Variants in KIAA1217 observed in about 807,000 individuals in gnomAD.
The protein encoded by KIAA1217 is KIAA1217, also known as sickle tail protein homolog.
In KIAA1217, 88 loss-of-function variants were observed where a neutral mutation model predicts 163.9. That is an observed-to-expected ratio of 0.54 (90% CI 0.45 to 0.64). KIAA1217 has a LOEUF of 0.64. Ranked by LOEUF, KIAA1217 falls within the 30% of genes least tolerant of loss-of-function variation. The pLI is 0.00. For synonymous variants in KIAA1217, 903 were observed against 923.1 expected, an observed-to-expected ratio of 0.98 and a Z score of 0.39; for missense variants, 2,372 against 2,475.0, an observed-to-expected ratio of 0.96 and a Z score of 0.88.
chr10:24,501,557 G>A lies in KIAA1217; in HGVS notation c.2001+12G>A. ...TGCGGCAGCTCCAGGTATTCCTCAT[G>A]CACGGCGGCCTCTGTCTCGGTTGCC... On this transcript the variant is annotated intron_variant, in intron 9 of 20. Transcript: ENST00000376454. 6.2e-7 allele frequency: 1 copy of A among 1,608,846 alleles called. No homozygotes were observed. Among genetic ancestry groups the A allele is most frequent in the Non-Finnish European group, 8.5e-7 (1 of 1,177,764 alleles).
At chr10:23,856,885 G>A (rs1383934211) in intron 1 of KIAA1217, among the ~76,000 whole-genome samples, 1 of 152,224 alleles carries the variant, frequency 6.6e-6, no homozygotes, top group African/African-American at 2.4e-5. Flanking sequence ...TAGGGTGGGA[G>A]TGACCCGATT....
chr10:24,277,180 T>A (rs1009322401), intron 2 of KIAA1217, among the ~76,000 whole-genome samples: 1 of 152,268 alleles, frequency 6.6e-6, no homozygotes, highest in African/African-American at 2.4e-5. Flanking sequence ...TCTGGCCTGA[T>A]TGGAAGGTGG....
chr10:23,738,375 C>A (rs576720735), intron 1 of KIAA1217, among the ~76,000 whole-genome samples: 8 of 152,168 alleles, frequency 5.3e-5, no homozygotes, highest in East Asian at 1.9e-4. Context: ...AGTTTTCTTT[C>A]GAAGGTTTGG....
chr10:23,964,625 G>A (rs549895999), intron 1 of KIAA1217, among the ~76,000 whole-genome samples: 4 of 151,722 alleles, frequency 2.6e-5, no homozygotes, highest in South Asian at 4.2e-4. Flanking sequence ...GCACCATCTC[G>A]GCTCACTGCA....
chr10:24,248,167 T>C (rs2074040432), intron 2 of KIAA1217, among the ~76,000 whole-genome samples: 1 of 152,170 alleles, frequency 6.6e-6, no homozygotes, highest in African/African-American at 2.4e-5. Context: ...GCATTAGTAG[T>C]CTCATTTCCA....
intron 2 of KIAA1217, among the ~76,000 whole-genome samples, chr10:24,222,319 A>G (rs1320136768): frequency 6.6e-6 from 1 of 152,178 alleles, no homozygotes; most frequent in Non-Finnish European, 1.5e-5. Flanking sequence ...TTTGTACTCG[A>G]AGCTGACCAT....
At chr10:24,255,550 CA>C in intron 2 of KIAA1217, 1 of 455,972 alleles carries the variant, frequency 2.2e-6, no homozygotes, top group Non-Finnish European at 4.4e-6. Context: ...GGAGGCATCA[CA>C]TGTTTCTGCT....
At chr10:24,287,147 T>C (rs1293297893) in intron 2 of KIAA1217, among the ~76,000 whole-genome samples, 2 of 152,182 alleles carry the variant, frequency 1.3e-5, no homozygotes, top group Non-Finnish European at 2.9e-5. Context: ...ACCTCCTGGG[T>C]TGAAGCAATT....
At chr10:23,826,556 T>G (rs757467472) in intron 1 of KIAA1217, among the ~76,000 whole-genome samples, 2 of 152,244 alleles carry the variant, frequency 1.3e-5, no homozygotes, top group Non-Finnish European at 2.9e-5. Flanking sequence ...TTTCCTTTGG[T>G]GCTTGGTTTA....
At position 24,088,628 on chromosome 10, in the gene KIAA1217, T is replaced by C. The variant is rs1368516645; in HGVS notation, c.-171+81254T>C. 2.4e-5 allele frequency among the ~76,000 whole-genome samples: 3 copies of C among 123,096 alleles called. 1 individual carries two copies. The highest frequency in any genetic ancestry group is 4.0e-5 in the Non-Finnish European group (2 of 49,898). The allele number at this position is 123,096 out of a possible 152,430, so 80.8% of individuals were successfully genotyped here. ...TGTCCCTACAAAGGACATGAACTTA[T>C]CATTTTTTATGGCTGCATAGTATTC... On this transcript the variant is annotated intron_variant, in intron 2 of 18. Transcript: ENST00000376462.
intron 2 of KIAA1217, among the ~76,000 whole-genome samples, chr10:24,011,588 T>A (rs1452300846): frequency 1.3e-5 from 2 of 152,180 alleles, no homozygotes; most frequent in Non-Finnish European, 2.9e-5. Context: ...GCCTCCATGT[T>A]AACATTGCAG....
At chr10:23,775,888 A>G (rs1272696308) in intron 1 of KIAA1217, among the ~76,000 whole-genome samples, 1 of 152,108 alleles carries the variant, frequency 6.6e-6, no homozygotes, top group Non-Finnish European at 1.5e-5. Flanking sequence ...TATTTTATAC[A>G]TTCTTAATTT....
intron 1 of KIAA1217, among the ~76,000 whole-genome samples, chr10:23,732,047 A>C (rs946483617): frequency 1.3e-5 from 2 of 152,030 alleles, no homozygotes; most frequent in Non-Finnish European, 1.5e-5. Context: ...ATTAATCTAT[A>C]GTTTTCTTGT....
intron 1 of KIAA1217, among the ~76,000 whole-genome samples, chr10:23,750,336 C>G (rs2130831701): frequency 6.6e-6 from 1 of 152,328 alleles, no homozygotes; most frequent in African/African-American, 2.4e-5. Flanking sequence ...TGCTTCAACT[C>G]TTGCTGTCCT....
intron 2 of KIAA1217, among the ~76,000 whole-genome samples, chr10:24,138,214 T>C (rs951792730): frequency 1.6e-4 from 24 of 152,176 alleles, no homozygotes; most frequent in African/African-American, 5.8e-4. Context: ...AGTGCCATGG[T>C]GCAGTCATGG....
At chr10:24,176,565 C>G (rs549986152) in intron 2 of KIAA1217, among the ~76,000 whole-genome samples, 4 of 147,848 alleles carry the variant, frequency 2.7e-5, no homozygotes, top group Admixed American at 6.7e-5. Flanking sequence ...CCATGAACCC[C>G]GAGCTAGACA....
At chr10:24,494,864 T>C (rs574258243) in intron 7 of KIAA1217, 5 of 574,646 alleles carry the variant, frequency 8.7e-6, no homozygotes, top group South Asian at 6.5e-5. Flanking sequence ...TGTGGCTTCA[T>C]GGACCACTCA....
At chr10:24,036,312 G>A (rs1484004326) in intron 2 of KIAA1217, among the ~76,000 whole-genome samples, 2 of 152,216 alleles carry the variant, frequency 1.3e-5, no homozygotes, top group Non-Finnish European at 2.9e-5. Context: ...CCAGACAGGT[G>A]TGGAGGCATC....
At chr10:24,084,583 T>C (rs2061635909) in intron 2 of KIAA1217, among the ~76,000 whole-genome samples, 1 of 152,158 alleles carries the variant, frequency 6.6e-6, no homozygotes, top group Non-Finnish European at 1.5e-5. Flanking sequence ...AAGAATACTA[T>C]TATTTTAGAG....
Sources: gnomAD v4.1 joint callset for allele counts (sites outside exome capture counted in the v4.1 genomes callset) on GRCh38, gnomAD v4.1.1 for gene constraint, MANE v1.5 for transcripts, NCBI Gene and HGNC (gene_info 2026-07-23, HGNC 2026-07-21) for gene names.